Variants in PARD3B observed in about 807,000 individuals in gnomAD.
The protein encoded by PARD3B is partitioning defective 3 homolog B.
A neutral mutation model predicts 130.2 loss-of-function variants in PARD3B; 103 were observed. The ratio of observed to expected loss-of-function variants is 0.79; its 90% CI spans 0.67 to 0.93. PARD3B has a LOEUF of 0.93. PARD3B is among the 40% of genes least tolerant of loss of function. The pLI is 0.00. For synonymous variants in PARD3B, 583 were observed against 553.2 expected (o/e 1.05, Z -0.76); for missense variants, 1,609 against 1,499.2 (o/e 1.07, Z -1.21).
intron 1 of PARD3B, among the ~76,000 whole-genome samples, chr2:204,674,964 T>A (rs145543955): frequency 2.6e-5 from 4 of 152,334 alleles, no homozygotes; most frequent in African/African-American, 9.6e-5. Flanking sequence ...TAGCAGAATG[T>A]TTTTTAGGGC....
At chr2:204,700,495 C>T (rs1034879626) in intron 2 of PARD3B, among the ~76,000 whole-genome samples, 4 of 152,060 alleles carry the variant, frequency 2.6e-5, no homozygotes, top group African/African-American at 9.7e-5. Context: ...AGGAATATAG[C>T]TCTGGATTGA....
chr2:205,023,660 A>T (rs1395508163), intron 3 of PARD3B, among the ~76,000 whole-genome samples: 2 of 150,904 alleles, frequency 1.3e-5, no homozygotes, highest in African/African-American at 4.9e-5. Flanking sequence ...TCAATACTGC[A>T]GCCAGGAAAT....
chr2:204,648,743 AAT>A (rs1395613359), intron 1 of PARD3B, among the ~76,000 whole-genome samples: 2 of 47,828 alleles, frequency 4.2e-5, no homozygotes, highest in Non-Finnish European at 3.3e-5. Context: ...TCATATAAAT[AAT>A]ATATATTTAT....
At chr2:205,593,674 C>T (rs1384203523) in intron 22 of PARD3B, among the ~76,000 whole-genome samples, 1 of 152,154 alleles carries the variant, frequency 6.6e-6, no homozygotes, top group African/African-American at 2.4e-5. Context: ...TTAGAGTCCC[C>T]CTTTTCTGAA....
In PARD3B at chr2:205,105,522, A is replaced by G. The variant is rs753302872; in HGVS notation, c.593+1008A>G. 2.6e-5 allele frequency among the ~76,000 whole-genome samples: 4 copies of G among 152,216 alleles called. No individual in the cohort carries two copies. Among genetic ancestry groups the G allele is most frequent in the African/African-American group, 9.7e-5 (4 of 41,448 alleles). The stretch of plus-strand genomic sequence containing the variant: ...CATGAAATTAGCTTTTTAAAAACAT[A>G]GGTCATCATCCTTTGTCATGTGCTT... On this transcript the variant is annotated intron_variant, in intron 5 of 22. Transcript: ENST00000406610. This position sits in a 1 kb window ranked among gnomAD's most constrained non-coding sequence, Gnocchi z 4.0.
At chr2:204,810,642 A>C (rs530875703) in intron 2 of PARD3B, among the ~76,000 whole-genome samples, 11 of 152,048 alleles carry the variant, frequency 7.2e-5, no homozygotes, top group African/African-American at 1.9e-4. Context: ...CCAACCTTGC[A>C]TATCAGAGAT....
intron 21 of PARD3B, among the ~76,000 whole-genome samples, chr2:205,549,962 A>C (rs73060151): frequency 0.027 from 4,089 of 152,232 alleles, 178 homozygotes; most frequent in African/African-American, 0.09. Context: ...TCTTTTTAAA[A>C]ATTGCAGTGG....
intron 2 of PARD3B, among the ~76,000 whole-genome samples, chr2:204,933,961 T>A (rs1211066315): frequency 6.6e-6 from 1 of 152,206 alleles, no homozygotes; most frequent in Non-Finnish European, 1.5e-5. Context: ...ATTTATGCAG[T>A]CTTTCTCTTG....
chr2:204,837,078 A>C (rs1301043201), intron 2 of PARD3B, among the ~76,000 whole-genome samples: 1 of 152,174 alleles, frequency 6.6e-6, no homozygotes, highest in Non-Finnish European at 1.5e-5. Context: ...TGAGGCGTTT[A>C]ATTAACATCC....
At chr2:205,099,428 T>A (rs1371129637) in intron 4 of PARD3B, among the ~76,000 whole-genome samples, 1 of 152,188 alleles carries the variant, frequency 6.6e-6, no homozygotes, top group African/African-American at 2.4e-5. Context: ...TTAAAAGTCA[T>A]CTTACAGATT....
intron 3 of PARD3B, among the ~76,000 whole-genome samples, chr2:204,970,079 T>C (rs1271335982): frequency 1.3e-5 from 2 of 152,138 alleles, no homozygotes; most frequent in African/African-American, 4.8e-5. Context: ...AAAGACAAAT[T>C]AGTGAGGAAA....
At chr2:205,042,717 T>C (rs549167603) in intron 3 of PARD3B, among the ~76,000 whole-genome samples, 1 of 152,208 alleles carries the variant, frequency 6.6e-6, no homozygotes, top group African/African-American at 2.4e-5. Flanking sequence ...GGTACCTGCC[T>C]TTTTGTGTGC....
At chr2:205,271,104 G>C (rs1234263006) in intron 16 of PARD3B, among the ~76,000 whole-genome samples, 6 of 152,152 alleles carry the variant, frequency 3.9e-5, no homozygotes, top group Non-Finnish European at 8.8e-5. Context: ...CTGTTACCAT[G>C]AGCTTACCTG....
chr2:204,724,412 G>A (rs1446901051), intron 2 of PARD3B, among the ~76,000 whole-genome samples: 1 of 152,148 alleles, frequency 6.6e-6, no homozygotes, highest in East Asian at 1.9e-4. Context: ...GCAGTACTCA[G>A]TAATGTATTC....
intron 10 of PARD3B, among the ~76,000 whole-genome samples, chr2:205,153,534 G>T (rs1458533806): frequency 6.6e-6 from 1 of 152,018 alleles, no homozygotes; most frequent in Non-Finnish European, 1.5e-5. Context: ...TCACAGAATT[G>T]GAAAAAACTA....
intron 21 of PARD3B, among the ~76,000 whole-genome samples, chr2:205,521,507 A>G (rs868320347): frequency 4.6e-5 from 7 of 152,044 alleles, no homozygotes; most frequent in Middle Eastern, 6.8e-3. Context: ...GATATTGACT[A>G]GTTTTTTCAC....
At chr2:204,632,652 C>T (rs2034722119) in intron 1 of PARD3B, among the ~76,000 whole-genome samples, 1 of 152,174 alleles carries the variant, frequency 6.6e-6, no homozygotes, top group Non-Finnish European at 1.5e-5. Flanking sequence ...CCCTGGTGGC[C>T]AGGGCTCACG....
chr2:205,564,971 T>C lies in PARD3B; in HGVS notation c.3260+11568T>C, dbSNP rs2053270012. Among the ~76,000 whole-genome samples, 1 of 152,122 alleles carries C rather than the reference T, an allele frequency of 6.6e-6. No individual in the cohort carries two copies. Among genetic ancestry groups the C allele is most frequent in the South Asian group, 2.1e-4 (1 of 4,826 alleles). The stretch of plus-strand genomic sequence containing the variant: ...CAGAACTGACCCTTATGGCCGAACA[T>C]GGAATGACATGTTAAATAGGTAGGA... On this transcript the variant is annotated intron_variant, in intron 22 of 22. Transcript: ENST00000406610. The surrounding 1 kb of genome is among the most constrained non-coding windows in gnomAD (Gnocchi z 4.6).
chr2:205,049,248 T>TTCTGCATG (rs1699019374), intron 4 of PARD3B, among the ~76,000 whole-genome samples: 1 of 152,152 alleles, frequency 6.6e-6, no homozygotes, highest in East Asian at 1.9e-4. Context: ...TGACTCACAG[T>TTCTGCATG]TCTGCATGGC....
Sources: allele counts gnomAD v4.1 joint callset (sites outside exome capture counted in the v4.1 genomes callset), GRCh38; gene constraint gnomAD v4.1.1; non-coding constraint Gnocchi (gnomAD v3.1); transcripts MANE v1.5; gene names NCBI Gene and HGNC (gene_info 2026-07-23, HGNC 2026-07-21).